NBAS: variants seen among roughly 807,000 people sequenced by gnomAD.
The protein encoded by NBAS is NBAS subunit of NRZ tethering complex.
Under a neutral mutation model 302.5 loss-of-function variants are expected in NBAS, and 219 were observed. The ratio of observed to expected loss-of-function variants is 0.72; its 90% CI spans 0.65 to 0.81. The LOEUF is 0.81. Ranked by LOEUF, NBAS falls within the 30% of genes least tolerant of loss-of-function variation. NBAS has a pLI of 0.00. For synonymous variants in NBAS, 1,118 were observed against 1,021.6 expected (o/e 1.09, Z -1.80); for missense variants, 2,932 against 2,841.6 (o/e 1.03, Z -0.72).
chr2:15,073,783 A>G, the NBAS span, among the ~76,000 whole-genome samples: 3 of 152,184 alleles, frequency 2.0e-5, no homozygotes, highest in Non-Finnish European at 2.9e-5. Context: ...CATCCATTTG[A>G]TGCAGATAAC....
At chr2:14,889,687 C>T in the NBAS span, among the ~76,000 whole-genome samples, 1 of 152,186 alleles carries the variant, frequency 6.6e-6, no homozygotes, top group African/African-American at 2.4e-5. Flanking sequence ...GGGAAATACA[C>T]ATGAGATTAG....
chr2:14,847,874 T>C, the NBAS span, among the ~76,000 whole-genome samples: 1 of 152,224 alleles, frequency 6.6e-6, no homozygotes, highest in Non-Finnish European at 1.5e-5. Context: ...ACAGGCCATA[T>C]GTTAGGTCAC....
intron 12 of NBAS, among the ~76,000 whole-genome samples, chr2:15,481,468 C>T (rs980671940): frequency 3.3e-5 from 5 of 152,138 alleles, no homozygotes; most frequent in South Asian, 2.1e-4. Flanking sequence ...ACTGGTGCTC[C>T]GTGGACAGGA....
At chr2:15,054,152 TCTGTG>T in the NBAS span, among the ~76,000 whole-genome samples, 1 of 152,170 alleles carries the variant, frequency 6.6e-6, no homozygotes, top group Admixed American at 6.5e-5. Context: ...CGACAGCCAC[TCTGTG>T]CTAAGCTCTT....
chr2:14,816,965 T>C, the NBAS span, among the ~76,000 whole-genome samples: 2 of 152,298 alleles, frequency 1.3e-5, no homozygotes, highest in South Asian at 2.1e-4. Flanking sequence ...AAAAGTCACA[T>C]GCAGAATCCC....
At chr2:15,391,002 C>A (rs1199940643) in intron 28 of NBAS, among the ~76,000 whole-genome samples, 1 of 151,762 alleles carries the variant, frequency 6.6e-6, no homozygotes, top group Non-Finnish European at 1.5e-5. Flanking sequence ...CCTAGCTACT[C>A]GGGAGGCTGA....
intron 51 of NBAS, among the ~76,000 whole-genome samples, chr2:15,175,603 G>C (rs1397494957): frequency 6.6e-6 from 1 of 152,194 alleles, no homozygotes; most frequent in African/African-American, 2.4e-5. Flanking sequence ...GAGAGTGATG[G>C]AGAAGGTAAT....
chr2:15,346,309 A>C lies in NBAS; in HGVS notation c.4179+5683T>G, dbSNP rs181209439. 6.6e-5 allele frequency among the ~76,000 whole-genome samples: 10 copies of C among 152,218 alleles called. No individual in the cohort carries two copies. The East Asian group carries it at 1.9e-3, about 29-fold the overall frequency. ...TACAAGAAACTTAAACAAATTTACA[A>C]CAAAAAAAACAACCCCATCAAAAAG... On this transcript the variant is annotated intron_variant, in intron 35 of 51. Transcript: ENST00000281513.
At chr2:14,874,639 CA>C in the NBAS span, among the ~76,000 whole-genome samples, 1 of 123,876 alleles carries the variant, frequency 8.1e-6, no homozygotes, top group East Asian at 2.3e-4. Context: ...GACTCTGTCT[CA>C]AAAAAAGAAA....
At chr2:15,088,502 TAAG>T in the NBAS span, among the ~76,000 whole-genome samples, 1 of 152,186 alleles carries the variant, frequency 6.6e-6, no homozygotes, top group Non-Finnish European at 1.5e-5. Flanking sequence ...GATAGAGTCT[TAAG>T]TATATTTTCT....
chr2:14,814,398 C>A, the NBAS span, among the ~76,000 whole-genome samples: 1 of 152,190 alleles, frequency 6.6e-6, no homozygotes, highest in Non-Finnish European at 1.5e-5. Flanking sequence ...GCAAAGCTAC[C>A]CAAGGCCTTG....
At chr2:14,974,762 C>T in the NBAS span, among the ~76,000 whole-genome samples, 9 of 152,264 alleles carry the variant, frequency 5.9e-5, no homozygotes, top group Non-Finnish European at 7.3e-5. Flanking sequence ...GATTCATACA[C>T]CCTAATCCCT....
chr2:15,516,553 T>C (rs898806260), intron 9 of NBAS, among the ~76,000 whole-genome samples: 1 of 151,976 alleles, frequency 6.6e-6, no homozygotes, highest in Non-Finnish European at 1.5e-5. Flanking sequence ...TGAAACCCCG[T>C]CTCTACTAAA....
chr2:15,536,166 G>A lies in NBAS; in HGVS notation c.647+252C>T, dbSNP rs960571953. 3.4e-4 allele frequency among the ~76,000 whole-genome samples: 51 copies of A among 152,072 alleles called. 1 individual carries two copies. The highest frequency in any genetic ancestry group is 3.0e-3 in the Admixed American group (46 of 15,264). ...AGTACTGATATGTCCAACTTACTAC[G>A]AAATGATTAATAGCCGGATAGAGGG... On this transcript the variant is annotated intron_variant, in intron 8 of 51. Coordinates refer to ENST00000281513, the MANE Select transcript of NBAS (RefSeq NM_015909.4).
At chr2:15,408,901 G>T (rs1171533772) in intron 25 of NBAS, among the ~76,000 whole-genome samples, 1 of 152,156 alleles carries the variant, frequency 6.6e-6, no homozygotes, top group Non-Finnish European at 1.5e-5. Context: ...GCCAGGCGTG[G>T]TGGCTCATGC....
In NBAS at chr2:15,455,387, C is replaced by T. The variant is rs373968058; in HGVS notation, c.2339+5814G>A. ...GAACGGACTATTCCAGTGCTAATTT[C>T]TAATTTCAACAAATATGCTATGGTT... is the stretch of plus-strand genomic sequence containing the variant. On this transcript the variant is annotated intron_variant, in intron 21 of 51. Coordinates refer to ENST00000281513, the MANE Select transcript of NBAS (RefSeq NM_015909.4). Among the ~76,000 whole-genome samples, 6 of 151,910 alleles carry T rather than the reference C, an allele frequency of 3.9e-5. No homozygotes were observed. In the East Asian group the frequency reaches 1.2e-3, roughly 29 times the overall value.
the NBAS span, among the ~76,000 whole-genome samples, chr2:14,996,907 T>C: frequency 6.6e-6 from 1 of 152,214 alleles, no homozygotes; most frequent in Admixed American, 6.5e-5. Flanking sequence ...GGAGACACAC[T>C]GAAATTTTCA....
chr2:15,091,040 A>G, the NBAS span, among the ~76,000 whole-genome samples: 1 of 152,158 alleles, frequency 6.6e-6, no homozygotes, highest in African/African-American at 2.4e-5. Context: ...AACTATAATA[A>G]AGCCAAAATA....
chr2:14,990,035 ACTT>A, the NBAS span, among the ~76,000 whole-genome samples: 8 of 152,114 alleles, frequency 5.3e-5, no homozygotes, highest in African/African-American at 1.9e-4. Context: ...ATTATGGTTA[ACTT>A]TTCTTTTTTT....
Sources: gnomAD v4.1 joint callset for allele counts (sites outside exome capture counted in the v4.1 genomes callset) on GRCh38, gnomAD v4.1.1 for gene constraint, MANE v1.5 for transcripts, NCBI Gene and HGNC (gene_info 2026-07-23, HGNC 2026-07-21) for gene names.